SLC25A26: variants seen among roughly 807,000 people sequenced by gnomAD.
SLC25A26 encodes solute carrier family 25 member 26.
In SLC25A26, 36 loss-of-function variants were observed where a neutral mutation model predicts 37.8. That is an observed-to-expected ratio of 0.95 (90% confidence interval 0.73 to 1.26). The LOEUF (loss-of-function observed/expected upper bound fraction) is 1.26. Among genes scored for constraint, SLC25A26 ranks in the 50% most tolerant of loss-of-function variants. The pLI is 0.00. For synonymous variants in SLC25A26, 129 were observed against 122.5 expected, an observed-to-expected ratio of 1.05 and a Z score of -0.35; for missense variants, 390 against 331.1, an observed-to-expected ratio of 1.18 and a Z score of -1.38.
chr3:66,329,237 A>G (rs2075912596), intron 5 of SLC25A26, among the ~76,000 whole-genome samples: 1 of 152,212 alleles, frequency 6.6e-6, no homozygotes, highest in Non-Finnish European at 1.5e-5. Context: ...ATTTGCATGC[A>G]TACCATAATT....
rs1358426323 is a variant in SLC25A26 at position 66,137,838 on chromosome 3, C to CT, written c.-354+3862dup. On this transcript the variant is annotated intron_variant, in intron 1 of 10. Coordinates refer to the SLC25A26 transcript ENST00000676754. ...TAGTCACATGAACATTTTCTTTTTTCTTTTTTTTGTTTTTTGAGACAGTGT... is the reference window on the plus strand; with the variant it reads ...TAGTCACATGAACATTTTCTTTTTTCTTTTTTTTTGTTTTTTGAGACAGTGT... 4.6e-5 allele frequency among the ~76,000 whole-genome samples: 7 copies of CT among 151,722 alleles called. No individual in the cohort carries two copies. The South Asian group carries it at 8.3e-4, about 18-fold the overall frequency.
chr3:66,340,032 G>T (rs967844902), intron 5 of SLC25A26, among the ~76,000 whole-genome samples: 1 of 150,240 alleles, frequency 6.7e-6, no homozygotes, highest in East Asian at 1.9e-4. Flanking sequence ...TTTTTATATA[G>T]GGTTATGAGG....
chr3:66,221,863 C>A (rs956081194), intron 1 of SLC25A26, among the ~76,000 whole-genome samples: 2 of 150,232 alleles, frequency 1.3e-5, no homozygotes, highest in African/African-American at 4.9e-5. Context: ...CAGAGACAGA[C>A]AAATAATTTT....
chr3:66,202,266 A>G (rs1447624201), intron 1 of SLC25A26, among the ~76,000 whole-genome samples: 1 of 152,150 alleles, frequency 6.6e-6, no homozygotes, highest in Non-Finnish European at 1.5e-5. Context: ...CAGGAACAGA[A>G]AACCAAACAC....
chr3:66,168,627 G>T (rs1285271539), intron 1 of SLC25A26, among the ~76,000 whole-genome samples: 1 of 152,134 alleles, frequency 6.6e-6, no homozygotes, highest in East Asian at 1.9e-4. Context: ...ATAAGCTTGT[G>T]TTTGGAATAT....
intron 5 of SLC25A26, among the ~76,000 whole-genome samples, chr3:66,335,268 A>G (rs115142299): frequency 0.033 from 5,019 of 152,274 alleles, 239 homozygotes; most frequent in African/African-American, 0.1. Context: ...GCTGTTTTCT[A>G]TTATCATAAA....
chr3:66,250,340 T>A (rs2073032849), intron 3 of SLC25A26, among the ~76,000 whole-genome samples: 1 of 152,264 alleles, frequency 6.6e-6, no homozygotes, highest in Non-Finnish European at 1.5e-5. Flanking sequence ...AGAGGCTTGC[T>A]GTAAGTGCAC....
At chr3:66,166,457 G>A (rs911426426) in intron 1 of SLC25A26, among the ~76,000 whole-genome samples, 1 of 152,164 alleles carries the variant, frequency 6.6e-6, no homozygotes, top group African/African-American at 2.4e-5. Context: ...TCTCAGAGAA[G>A]GATCTTGTAA....
chr3:66,256,944 A>G, intron 3 of SLC25A26, among the ~76,000 whole-genome samples: 1 of 152,180 alleles, frequency 6.6e-6, no homozygotes. Context: ...TTTCTGTGGA[A>G]TTGATGATTA....
At chr3:66,222,813 A>G (rs1360166481) in intron 1 of SLC25A26, among the ~76,000 whole-genome samples, 1 of 152,202 alleles carries the variant, frequency 6.6e-6, no homozygotes, top group Admixed American at 6.5e-5. Context: ...TGCAATTGCT[A>G]AAACACAGGT....
At chr3:66,151,672 C>G (rs755384197) in intron 1 of SLC25A26, among the ~76,000 whole-genome samples, 21 of 152,264 alleles carry the variant, frequency 1.4e-4, no homozygotes, top group Non-Finnish European at 2.6e-4. Context: ...CTCCTTCTGA[C>G]TTGGGTACTT....
At chr3:66,318,299 G>T (rs1008187739) in intron 5 of SLC25A26, among the ~76,000 whole-genome samples, 7 of 152,196 alleles carry the variant, frequency 4.6e-5, no homozygotes, top group African/African-American at 1.4e-4. Flanking sequence ...CAAGGCCCTG[G>T]ATGCATGGGC....
intron 5 of SLC25A26, among the ~76,000 whole-genome samples, chr3:66,277,525 A>G (rs1357369475): frequency 6.6e-6 from 1 of 152,148 alleles, no homozygotes; most frequent in Non-Finnish European, 1.5e-5. Context: ...CAGCATGAAA[A>G]GTGATGGATG....
chr3:66,150,380 C>T (rs1289649843), intron 1 of SLC25A26, among the ~76,000 whole-genome samples: 2 of 150,202 alleles, frequency 1.3e-5, no homozygotes, highest in Admixed American at 1.3e-4. Context: ...CACCTGTAAT[C>T]CCAGCTACTC....
intron 5 of SLC25A26, among the ~76,000 whole-genome samples, chr3:66,294,384 C>T (rs1470516319): frequency 6.6e-6 from 1 of 152,110 alleles, no homozygotes; most frequent in Non-Finnish European, 1.5e-5. Context: ...TGAGACTCTG[C>T]TGAAGTTGTT....
At chr3:66,307,351 C>T (rs76420993) in intron 5 of SLC25A26, among the ~76,000 whole-genome samples, 25,968 of 151,850 alleles carry the variant, frequency 0.17, 3,328 homozygotes, top group East Asian at 0.68. Flanking sequence ...CTGATGGGGT[C>T]GTTTGTTTTT....
At chr3:66,232,839 G>T (rs1424998127) in intron 1 of SLC25A26, among the ~76,000 whole-genome samples, 2 of 152,206 alleles carry the variant, frequency 1.3e-5, no homozygotes, top group African/African-American at 4.8e-5. Context: ...GATGAAATTT[G>T]GATTTTATGA....
chr3:66,165,821 A>G (rs2070417558), intron 1 of SLC25A26, among the ~76,000 whole-genome samples: 1 of 152,060 alleles, frequency 6.6e-6, no homozygotes, highest in African/African-American at 2.4e-5. Flanking sequence ...GTGCCTGGAG[A>G]GGTTAGACAG....
At chr3:66,251,048 T>C (rs145416054) in intron 3 of SLC25A26, among the ~76,000 whole-genome samples, 16 of 152,100 alleles carry the variant, frequency 1.1e-4, no homozygotes, top group African/African-American at 3.9e-4. Context: ...GATGGTTTGT[T>C]AGGTGGGTGG....
Sources: gnomAD v4.1 joint callset for allele counts (sites outside exome capture counted in the v4.1 genomes callset) on GRCh38, gnomAD v4.1.1 for gene constraint, MANE v1.5 for transcripts, NCBI Gene and HGNC (gene_info 2026-07-23, HGNC 2026-07-21) for gene names.